The following LOXL4 variants were observed in gnomAD, a reference collection of about 807,000 sequenced individuals.
The protein encoded by LOXL4 is lysyl oxidase like 4.
LOXL4 carries 72 observed loss-of-function variants against 89.1 expected under a neutral mutation model. The observed-to-expected ratio is 0.81, with a 90% confidence interval of 0.67 to 0.98. The LOEUF is 0.98. Ranked by LOEUF, LOXL4 falls within the 50% of genes least tolerant of loss-of-function variation. LOXL4 has a pLI of 0.00. For synonymous variants in LOXL4, 355 were observed against 392.1 expected, an observed-to-expected ratio of 0.91 and a Z score of 1.12; for missense variants, 984 against 1,017.5, an observed-to-expected ratio of 0.97 and a Z score of 0.45.
intron 4 of LOXL4, among the ~76,000 whole-genome samples, chr10:98,260,118 G>A (rs954983289): frequency 3.9e-5 from 6 of 152,162 alleles, no homozygotes; most frequent in African/African-American, 1.2e-4. Context: ...TGTGGCTGTC[G>A]TTTACTGGTT....
At chr10:98,260,537 T>G (rs2135840427) in intron 4 of LOXL4, among the ~76,000 whole-genome samples, 1 of 152,210 alleles carries the variant, frequency 6.6e-6, no homozygotes, top group East Asian at 1.9e-4. Context: ...GTGCAGTGTT[T>G]GTTTTCTGAC....
chr10:98,258,125 C>G lies in LOXL4; in HGVS notation c.961G>C (p.Glu321Gln), dbSNP rs143932245. The G allele has an allele frequency of 4.8e-5, 77 of 1,613,184 alleles. No homozygotes were observed. Among genetic ancestry groups the G allele is most frequent in the Non-Finnish European group, 6.5e-5 (77 of 1,179,882 alleles). ...TTCATGAGCACTTCCACCCGGCCCT[C>G]GCCCACCTGGGCCCCGGAGCGCAGG... The part of the protein sequence containing the change: ...VRLRSGAQVG[E>Q]GRVEVLMNRQ... Residue 321 changes from glutamate (E) to glutamine (Q), a missense_variant, in exon 7 of 15, where the codon GAG becomes CAG. Transcript: ENST00000260702.
intron 12 of LOXL4, 199 bp downstream of exon 12, chr10:98,252,154 C>G: frequency 1.8e-6 from 1 of 565,520 alleles, no homozygotes; most frequent in East Asian, 3.0e-5. Flanking sequence ...AAGAACAATG[C>G]GTGGGGAATT....
chr10:98,266,407 G>A (rs1858690591), intron 1 of LOXL4, among the ~76,000 whole-genome samples: 1 of 152,200 alleles, frequency 6.6e-6, no homozygotes, highest in Non-Finnish European at 1.5e-5. Flanking sequence ...GGTAGGCTGG[G>A]CAGGTCTGCT....
At chr10:98,262,689 A>C (rs10736125) in intron 2 of LOXL4, 54 bp downstream of exon 2, 1 of 1,574,020 alleles carries the variant, frequency 6.4e-7, no homozygotes, top group Non-Finnish European at 8.7e-7. Context: ...AGCCCAGCCC[A>C]AGAAGACTGT....
chr10:98,253,757 T>C lies in LOXL4; in HGVS notation c.1631A>G (p.Glu544Gly). 1 of 1,614,122 alleles carries C rather than the reference T, an allele frequency of 6.2e-7. No homozygotes were observed. The highest frequency in any genetic ancestry group is 2.2e-5 in the East Asian group (1 of 44,872). The change falls in exon 11 of 15, where the codon GAG (glutamate) becomes GGG (glycine). Residue 544 changes from glutamate to glycine, a missense_variant. Physicochemically the swap from Glu to Gly is moderately conservative, Grantham distance 98. Coordinates refer to ENST00000260702, the MANE Select transcript of LOXL4 (RefSeq NM_032211.7). ...DLVMNAQLVQ[E>G]TAYLEDRPLS... ...CGGGCGGTCCTCCAAGTAGGCCGTC[T>C]CCTGCACTAGCTGGGCGTTCATCAC...
At chr10:98,258,704 G>A (rs1473056038) in intron 6 of LOXL4, among the ~76,000 whole-genome samples, 1 of 150,202 alleles carries the variant, frequency 6.7e-6, no homozygotes, top group East Asian at 1.9e-4. Context: ...TTAAAACAAA[G>A]GAGCAGGCTC....
At chr10:98,252,055 C>T in intron 12 of LOXL4, 1 of 480,526 alleles carries the variant, frequency 2.1e-6, no homozygotes, top group Non-Finnish European at 3.7e-6. Flanking sequence ...AGACAGGAAG[C>T]AGGCAATGCT....
intron 10 of LOXL4, 33 bp from the exon 11 acceptor site, chr10:98,253,829 A>G: frequency 6.2e-7 from 1 of 1,611,704 alleles, no homozygotes; most frequent in East Asian, 2.2e-5. Context: ...AGTGACTCAA[A>G]GGGTGGAAAG....
chr10:98,263,956 C>T (rs576659301), intron 1 of LOXL4, among the ~76,000 whole-genome samples: 1 of 151,964 alleles, frequency 6.6e-6, no homozygotes, highest in Admixed American at 6.6e-5. Context: ...TGGTCTTGAA[C>T]TCCTGACCTC....
intron 9 of LOXL4, 64 bp from the exon 10 acceptor site, chr10:98,255,803 G>T (rs1165854976): frequency 6.4e-7 from 1 of 1,564,616 alleles, no homozygotes; most frequent in Non-Finnish European, 8.7e-7. Flanking sequence ...ACTCCCATCT[G>T]AGGTGTGGCC....
At chr10:98,252,498 C>A in intron 11 of LOXL4, 30 bp from the exon 12 acceptor site, 1 of 1,500,558 alleles carries the variant, frequency 6.7e-7, no homozygotes, top group Non-Finnish European at 9.3e-7. Context: ...GTCAGTGCGG[C>A]AGCAACAGGA....
chr10:98,255,175 GACA>G, intron 10 of LOXL4, among the ~76,000 whole-genome samples: 1 of 152,306 alleles, frequency 6.6e-6, no homozygotes, highest in East Asian at 1.9e-4. Flanking sequence ...TGTCCTCTAC[GACA>G]GCTTTCAAAC....
intron 12 of LOXL4, 174 bp from the exon 13 acceptor site, chr10:98,251,876 ATTTG>A (rs965825902): frequency 2.7e-6 from 2 of 737,420 alleles, no homozygotes; most frequent in Non-Finnish European, 4.3e-6. Flanking sequence ...CAAAGATAGG[ATTTG>A]TTTGACTGCT....
chr10:98,256,642 A>G, intron 9 of LOXL4, 138 bp downstream of exon 9: 1 of 930,468 alleles, frequency 1.1e-6, no homozygotes, highest in Non-Finnish European at 1.7e-6. Context: ...CCCAGCACTC[A>G]GCATCATGTC....
intron 2 of LOXL4, 105 bp downstream of exon 2, chr10:98,262,638 G>C: frequency 7.3e-7 from 1 of 1,375,634 alleles, no homozygotes; most frequent in Non-Finnish European, 1.0e-6. Context: ...TGTGGAGGAG[G>C]TCACATGAGC....
chr10:98,259,095 C>T lies in LOXL4; in HGVS notation c.835G>A (p.Gly279Ser), dbSNP rs940815602. Reference sequence around the variant, plus strand: ...ACACAGCTGACCACAGCGTGCATGCCACCTGGGCAGGCTGGCCGCAGCTTG... The same window carrying T: ...ACACAGCTGACCACAGCGTGCATGCTACCTGGGCAGGCTGGCCGCAGCTTG... ...RGKLRPACPG[G>S]MHAVVSCVAG... is the part of the protein sequence containing the mutation. The change falls in exon 6 of 15, where the codon GGC becomes AGC. Residue 279 changes from glycine to serine, a missense_variant. Coordinates refer to ENST00000260702, the MANE Select transcript of LOXL4 (RefSeq NM_032211.7). The T allele has an allele frequency of 6.2e-7, 1 of 1,600,694 alleles. No individual in the cohort carries two copies. The highest frequency in any genetic ancestry group is 1.7e-5 in the Admixed American group (1 of 58,352).
intron 13 of LOXL4, 55 bp downstream of exon 13, chr10:98,251,510 GT>G: frequency 6.3e-7 from 1 of 1,598,854 alleles, no homozygotes; most frequent in East Asian, 2.2e-5. Flanking sequence ...CTCAGGGAAA[GT>G]TGTGGAACAT....
intron 12 of LOXL4, chr10:98,251,924 G>A (rs954279540): frequency 5.0e-5 from 29 of 580,376 alleles, no homozygotes; most frequent in Non-Finnish European, 8.6e-5. Context: ...AGGAACTGTG[G>A]TTGGGAGATT....
Sources: gnomAD v4.1 joint callset for allele counts (sites outside exome capture counted in the v4.1 genomes callset) on GRCh38, gnomAD v4.1.1 for gene constraint, MANE v1.5 for transcripts, NCBI Gene and HGNC (gene_info 2026-07-23, HGNC 2026-07-21) for gene names.